Variants in SLC27A4 observed in about 807,000 individuals in gnomAD.
SLC27A4 encodes the protein long-chain fatty acid transport protein 4.
A neutral mutation model predicts 64.4 loss-of-function variants in SLC27A4; 33 were observed. The observed-to-expected ratio is 0.51, with a 90% confidence interval of 0.39 to 0.68. The LOEUF (loss-of-function observed/expected upper bound fraction) is 0.68, where lower values mean the gene tolerates loss of function less well. Among genes scored for constraint, SLC27A4 ranks in the 30% least tolerant of loss-of-function variants. The pLI, the probability that SLC27A4 is intolerant of heterozygous loss-of-function variation, is 0.00. For synonymous variants in SLC27A4, 377 were observed against 370.0 expected, an observed-to-expected ratio of 1.02 and a Z score of -0.22; for missense variants, 824 against 883.5, an observed-to-expected ratio of 0.93 and a Z score of 0.85.
chr9:128,342,136 T>A (rs984556368), intron 1 of SLC27A4: 4 of 941,006 alleles, frequency 4.3e-6, no homozygotes, highest in African/African-American at 3.3e-5. Context: ...TAGAAAAGCC[T>A]CTTAGAACAC....
At chr9:128,360,191 CT>C in intron 12 of SLC27A4, 142 bp from the exon 13 acceptor site, 1 of 946,326 alleles carries the variant, frequency 1.1e-6, no homozygotes. Flanking sequence ...TCTTTGCAAA[CT>C]GTAAAGGGCT....
In SLC27A4 at chr9:128,360,969, G is replaced by C. The variant is rs1832894155; in HGVS notation, c.*478G>C. The C allele has an allele frequency of 5.2e-6, 1 of 193,536 alleles. No individual in the cohort carries two copies. Among genetic ancestry groups the C allele is most frequent in the African/African-American group, 2.4e-5 (1 of 42,496 alleles). The allele number at this position is 193,536 out of a possible 1,614,324, so 12.0% of individuals were successfully genotyped here. A position where few individuals can be genotyped will look rare whatever the true frequency, so the allele number is the denominator to read the frequency against. On this transcript the variant is annotated 3_prime_UTR_variant, in exon 13 of 13. Transcript: ENST00000300456. ...CACTGGGCTCCACCCCCACCTCCAG[G>C]AGGGGAGGAGAGGACCTGACATCTG... is the stretch of plus-strand genomic sequence containing the variant.
At chr9:128,354,531 C>T (rs1363582225) in intron 9 of SLC27A4, among the ~76,000 whole-genome samples, 2 of 152,142 alleles carry the variant, frequency 1.3e-5, no homozygotes, top group African/African-American at 4.8e-5. Context: ...TATGTTCATC[C>T]TCCCATCAGT....
At chr9:128,357,093 C>CAAA (rs1318748501) in intron 12 of SLC27A4, among the ~76,000 whole-genome samples, 1 of 94,736 alleles carries the variant, frequency 1.1e-5, no homozygotes, top group Non-Finnish European at 2.2e-5. Flanking sequence ...GACTCCGTCT[C>CAAA]AAAAAAAAAA....
At chr9:128,341,641 G>A (rs1300337110) in intron 1 of SLC27A4, among the ~76,000 whole-genome samples, 1 of 152,202 alleles carries the variant, frequency 6.6e-6, no homozygotes, top group Non-Finnish European at 1.5e-5. Context: ...TATGGGCAGG[G>A]ACCAAGCAGG....
chr9:128,346,541 A>G (rs1832659879), intron 3 of SLC27A4, among the ~76,000 whole-genome samples: 1 of 151,966 alleles, frequency 6.6e-6, no homozygotes, highest in South Asian at 2.1e-4. Context: ...GCCTAAAAAA[A>G]GTTTTTAAAA....
intron 1 of SLC27A4, chr9:128,342,396 C>T (rs1331740601): frequency 5.0e-6 from 8 of 1,607,902 alleles, no homozygotes; most frequent in Non-Finnish European, 6.8e-6. Context: ...ATGCATTGTA[C>T]ATTCCACAAG....
At position 128,352,759 on chromosome 9, in the gene SLC27A4, C is replaced by T. The variant is rs765116582; in HGVS notation, c.987+12C>T. The T allele has an allele frequency of 1.0e-5, 16 of 1,588,994 alleles. No individual in the cohort carries two copies. The highest frequency in any genetic ancestry group is 1.7e-5 in the Admixed American group (1 of 59,906). On this transcript the variant is annotated intron_variant, in intron 7 of 12. Transcript: ENST00000300456. ...AGTACAACTGCACGGTGAGCGAGAG[C>T]GGGAAGGGTGAGCTGTCCCTTTCCC...
chr9:128,355,529 G>C lies in SLC27A4; in HGVS notation c.1594G>C (p.Ala532Pro). Reference sequence around the variant, plus strand: ...CACACTCAGCCGCCTGCTGGACATGGCTGACGTGGCCGTGTATGGTGTCGA... The same window carrying C: ...CACACTCAGCCGCCTGCTGGACATGCCTGACGTGGCCGTGTATGGTGTCGA... ...EGTLSRLLDM[A>P]DVAVYGVEVP... The change falls in exon 11 of 13, where the codon GCT (alanine) becomes CCT (proline). Residue 532 changes from alanine to proline, a missense_variant. Transcript: ENST00000300456. 6.2e-7 allele frequency: 1 copy of C among 1,612,556 alleles called. No homozygotes were observed. The highest frequency in any genetic ancestry group is 8.5e-7 in the Non-Finnish European group (1 of 1,180,036).
At chr9:128,342,542 ATCTG>A in intron 1 of SLC27A4, 1 of 704,244 alleles carries the variant, frequency 1.4e-6, no homozygotes. Flanking sequence ...TGCCTCTCCC[ATCTG>A]TCTATCTGGC....
intron 2 of SLC27A4, among the ~76,000 whole-genome samples, chr9:128,344,952 G>T (rs577738452): frequency 6.6e-6 from 1 of 152,170 alleles, no homozygotes; most frequent in Non-Finnish European, 1.5e-5. Context: ...TGTGTAAGGG[G>T]AGGGGAATCA....
At position 128,360,395 on chromosome 9, in the gene SLC27A4, A is replaced by G. The variant is rs746162043; in HGVS notation, c.1836A>G (p.Lys612=). Residue 612 remains lysine (K), a synonymous_variant, in exon 13 of 13, where the codon AAA becomes AAG. Transcript: ENST00000300456. ...AGGGCTTTGACCCGGCTATTGTGAA[A>G]GACCCGCTGTTCTATCTAGATGCCC... is the stretch of plus-strand genomic sequence containing the variant. ...RKEGFDPAIV[K]DPLFYLDAQK... is the part of the protein sequence containing the mutation. 6.6e-5 allele frequency: 106 copies of G among 1,614,038 alleles called. No homozygotes were observed. Among genetic ancestry groups the G allele is most frequent in the Non-Finnish European group, 8.9e-5 (105 of 1,180,040 alleles).
chr9:128,355,355 G>A (rs1564403128), intron 10 of SLC27A4, 43 bp from the exon 11 acceptor site: 2 of 1,612,082 alleles, frequency 1.2e-6, no homozygotes, highest in Non-Finnish European at 1.7e-6. Context: ...CCTGGTCTCA[G>A]AGCTGGCCAG....
At chr9:128,357,165 G>A (rs1029879837) in intron 12 of SLC27A4, among the ~76,000 whole-genome samples, 1 of 150,850 alleles carries the variant, frequency 6.6e-6, no homozygotes, top group Admixed American at 6.6e-5. Context: ...GGGAGGCTGA[G>A]GCATGAGAAG....
At chr9:128,351,017 C>T (rs1029996233) in intron 6 of SLC27A4, among the ~76,000 whole-genome samples, 11 of 151,912 alleles carry the variant, frequency 7.2e-5, no homozygotes, top group African/African-American at 1.5e-4. Flanking sequence ...GGCGTGAACC[C>T]GGGAGGTGGA....
At chr9:128,354,478 T>C (rs1318836047) in intron 9 of SLC27A4, among the ~76,000 whole-genome samples, 3 of 152,172 alleles carry the variant, frequency 2.0e-5, no homozygotes, top group African/African-American at 7.2e-5. Context: ...GAGCAGAGGC[T>C]TGGGGCGCTG....
At chr9:128,359,744 G>A (rs1832871945) in intron 12 of SLC27A4, among the ~76,000 whole-genome samples, 1 of 152,214 alleles carries the variant, frequency 6.6e-6, no homozygotes, top group Non-Finnish European at 1.5e-5. Flanking sequence ...GGTGGAGGTT[G>A]CAGTGAGTTG....
chr9:128,344,752 C>G (rs1832627932), intron 2 of SLC27A4, among the ~76,000 whole-genome samples: 1 of 152,028 alleles, frequency 6.6e-6, no homozygotes, highest in Non-Finnish European at 1.5e-5. Context: ...GTGGGAGGCC[C>G]CAAACAAGGA....
chr9:128,345,650 A>G lies in SLC27A4; in HGVS notation c.556+101A>G. 7.3e-7 allele frequency: 1 copy of G among 1,373,942 alleles called. No homozygotes were observed. Among genetic ancestry groups the G allele is most frequent in the South Asian group, 1.4e-5 (1 of 69,546 alleles). 85.1% of individuals were successfully genotyped at this position (1,373,942 alleles called of 1,614,324 possible). On this transcript the variant is annotated intron_variant, in intron 3 of 12. Coordinates refer to ENST00000300456, the MANE Select transcript of SLC27A4 (RefSeq NM_005094.4). The surrounding 1 kb of genome is among the most constrained non-coding windows in gnomAD (Gnocchi z 4.1). ...GCCAAGGCTGTGTGGGTCAGTGGTT[A>G]AGGGCACAGAGTGGAGTCAGACAGC...
Sources: gnomAD v4.1 joint callset for allele counts (sites outside exome capture counted in the v4.1 genomes callset) on GRCh38, gnomAD v4.1.1 for gene constraint, Gnocchi (gnomAD v3.1) non-coding constraint, MANE v1.5 for transcripts, NCBI Gene and HGNC (gene_info 2026-07-23, HGNC 2026-07-21) for gene names.